Variants in XXYLT1 observed in about 807,000 individuals in gnomAD.
XXYLT1 encodes the protein xyloside xylosyltransferase 1, also known as UDP-xylose:alpha-xyloside alpha-1,3-xylosyltransferase.
Under a neutral mutation model 28.9 loss-of-function variants are expected in XXYLT1, and 20 were observed. The ratio of observed to expected loss-of-function variants is 0.69; its 90% CI spans 0.49 to 1.00. XXYLT1 has a LOEUF of 1.00. XXYLT1 is among the 50% of genes least tolerant of loss of function. XXYLT1 has a pLI of 0.00. For missense variants in XXYLT1, 542 were observed against 560.1 expected (o/e 0.97, Z 0.33); for synonymous variants, 257 against 253.8 (o/e 1.01, Z -0.12).
intron 2 of XXYLT1, among the ~76,000 whole-genome samples, chr3:195,220,088 G>C (rs1031283252): frequency 2.0e-5 from 3 of 152,150 alleles, no homozygotes; most frequent in South Asian, 2.1e-4. Context: ...CTGGGAGCTG[G>C]GGGGAGGGGA....
Position 195,246,432 on chromosome 3 carries a change from A to G in XXYLT1, c.505-19576T>C, listed in dbSNP as rs112246724. Among the ~76,000 whole-genome samples the G allele has an allele frequency of 1.8e-4, 28 of 152,338 alleles. 1 individual carries two copies. Among genetic ancestry groups the G allele is most frequent in the African/African-American group, 6.0e-4 (25 of 41,580 alleles). Reference sequence around the variant, plus strand: ...GAAGACCGTGTAAGCACAGCAATACACAGTGTGTCTGTCTTGTAGGTACGG... The same window carrying G: ...GAAGACCGTGTAAGCACAGCAATACGCAGTGTGTCTGTCTTGTAGGTACGG... On this transcript the variant is annotated intron_variant, in intron 1 of 3. Coordinates refer to ENST00000310380, the MANE Select transcript of XXYLT1 (RefSeq NM_152531.5).
intron 3 of XXYLT1, among the ~76,000 whole-genome samples, chr3:195,081,684 T>C (rs1420638086): frequency 6.6e-6 from 1 of 152,014 alleles, no homozygotes; most frequent in Non-Finnish European, 1.5e-5. Flanking sequence ...GCCGAGAAAA[T>C]GTTATGAGGT....
chr3:195,178,966 T>C (rs559718013), intron 2 of XXYLT1, among the ~76,000 whole-genome samples: 39 of 151,746 alleles, frequency 2.6e-4, no homozygotes, highest in African/African-American at 9.0e-4. Flanking sequence ...ACTCTGAAGG[T>C]GGCAGCTCCC....
chr3:195,087,694 T>C (rs1361602792), intron 3 of XXYLT1, among the ~76,000 whole-genome samples: 1 of 152,124 alleles, frequency 6.6e-6, no homozygotes, highest in Non-Finnish European at 1.5e-5. Flanking sequence ...GATGGCCGAA[T>C]AGGAACAGCT....
intron 3 of XXYLT1, among the ~76,000 whole-genome samples, chr3:195,101,340 G>T (rs1716761155): frequency 6.6e-6 from 1 of 152,214 alleles, no homozygotes. Context: ...ATCACATTAG[G>T]AAAAAACAGA....
rs535428775 is a variant in XXYLT1, at chr3:195,088,358, C to T, written c.786-18247G>A. 1.0e-3 allele frequency among the ~76,000 whole-genome samples: 152 copies of T among 148,244 alleles called. 1 individual carries two copies. The highest frequency in any genetic ancestry group is 3.6e-3 in the African/African-American group (146 of 41,080). ...GATCTGAGAACGGGCAGACTGCCTC[C>T]TCAAGTGGGTCCCTGACCCCTGACC... On this transcript the variant is annotated intron_variant, in intron 3 of 3. Coordinates refer to ENST00000310380, the MANE Select transcript of XXYLT1 (RefSeq NM_152531.5).
intron 2 of XXYLT1, among the ~76,000 whole-genome samples, chr3:195,201,997 A>T (rs569973621): frequency 1.6e-4 from 24 of 152,174 alleles, no homozygotes; most frequent in South Asian, 1.5e-3. Context: ...ACCAACATGG[A>T]GAAACCCCGT....
chr3:195,084,028 A>C (rs1366376690), intron 3 of XXYLT1, among the ~76,000 whole-genome samples: 1 of 146,546 alleles, frequency 6.8e-6, no homozygotes, highest in African/African-American at 2.5e-5. Flanking sequence ...AATCGGTCTC[A>C]AAAAAAAAAA....
At chr3:195,145,889 G>A (rs996462833) in intron 3 of XXYLT1, among the ~76,000 whole-genome samples, 6 of 152,172 alleles carry the variant, frequency 3.9e-5, no homozygotes, top group African/African-American at 1.4e-4. Flanking sequence ...CCTTGATGCT[G>A]GAGTCAATTC....
At chr3:195,190,034 C>T (rs2108750186) in intron 2 of XXYLT1, among the ~76,000 whole-genome samples, 1 of 151,654 alleles carries the variant, frequency 6.6e-6, no homozygotes, top group East Asian at 1.9e-4. Context: ...CAATGGAGAC[C>T]AGAAGGCAAT....
Position 195,270,451 on chromosome 3 carries a change from G to A in XXYLT1, c.504+104C>T, listed in dbSNP as rs1725982029. On this transcript the variant is annotated intron_variant, in intron 1 of 3. Coordinates refer to ENST00000310380, the MANE Select transcript of XXYLT1 (RefSeq NM_152531.5). ...CATTGCAAGCGGGCAGCTCAGGGAAGATCCTACCCGCTAGTTCCCCGGATC... is the reference window on the plus strand; with the variant it reads ...CATTGCAAGCGGGCAGCTCAGGGAAAATCCTACCCGCTAGTTCCCCGGATC... 24 of 1,339,566 alleles carry A rather than the reference G, an allele frequency of 1.8e-5. No homozygotes were observed. The South Asian group carries it at 4.1e-4, about 23-fold the overall frequency. 83.0% of individuals were successfully genotyped at this position (1,339,566 alleles called of 1,614,324 possible).
rs1278565778 is a variant in XXYLT1, at chr3:195,091,419, A to C, written c.786-21308T>G. 1.9e-5 allele frequency among the ~76,000 whole-genome samples: 2 copies of C among 105,342 alleles called. 1 individual carries two copies. Among genetic ancestry groups the C allele is most frequent in the Non-Finnish European group, 3.5e-5 (2 of 57,190 alleles). 69.1% of individuals were successfully genotyped at this position (105,342 alleles called of 152,430 possible). ...ATCCAGCAGGTAAACAGAGCCAAAG[A>C]CAAAAACCACATGATTATCTCAATA... On this transcript the variant is annotated intron_variant, in intron 3 of 3. Coordinates refer to ENST00000310380, the MANE Select transcript of XXYLT1 (RefSeq NM_152531.5).
chr3:195,191,263 A>AC (rs1722407921), intron 2 of XXYLT1, among the ~76,000 whole-genome samples: 1 of 152,040 alleles, frequency 6.6e-6, no homozygotes, highest in East Asian at 1.9e-4. Flanking sequence ...CACCTCTGCC[A>AC]CCCCTCAGAA....
At position 195,245,939 on chromosome 3, in the gene XXYLT1, C is replaced by G. The variant is rs567606629; in HGVS notation, c.505-19083G>C. Among the ~76,000 whole-genome samples the G allele has an allele frequency of 4.6e-5, 7 of 152,234 alleles. 1 individual carries two copies. The highest frequency in any genetic ancestry group is 1.0e-4 in the Non-Finnish European group (7 of 68,030). ...AAGCAGGCGCTGGCACCACCCTTCT[C>G]TACAGCCTGCAGAACCATGAGCCAA... is the stretch of plus-strand genomic sequence containing the variant. On this transcript the variant is annotated intron_variant, in intron 1 of 3. Transcript: ENST00000310380.
intron 2 of XXYLT1, among the ~76,000 whole-genome samples, chr3:195,214,614 G>A (rs1723478725): frequency 6.6e-6 from 1 of 152,160 alleles, no homozygotes; most frequent in Non-Finnish European, 1.5e-5. Flanking sequence ...CCTTGTGTCT[G>A]CTTTCTCCTG....
intron 3 of XXYLT1, among the ~76,000 whole-genome samples, chr3:195,120,851 TC>T (rs1253327022): frequency 6.6e-6 from 1 of 152,148 alleles, no homozygotes; most frequent in African/African-American, 2.4e-5. Context: ...CTGGCACAGC[TC>T]CTGCATGTCA....
intron 3 of XXYLT1, among the ~76,000 whole-genome samples, chr3:195,134,779 G>T (rs1010600715): frequency 6.6e-6 from 1 of 151,852 alleles, no homozygotes; most frequent in Non-Finnish European, 1.5e-5. Flanking sequence ...GAGAGGAAAC[G>T]CTTTCCATCC....
intron 3 of XXYLT1, among the ~76,000 whole-genome samples, chr3:195,110,811 G>C (rs62290322): frequency 0.55 from 48,361 of 88,690 alleles, 11,361 homozygotes; most frequent in Middle Eastern, 0.59. Context: ...ATGTGTGCGT[G>C]TGTGTGGTGT....
chr3:195,266,421 G>A (rs1265951361), intron 1 of XXYLT1, among the ~76,000 whole-genome samples: 6 of 151,948 alleles, frequency 3.9e-5, no homozygotes, highest in African/African-American at 1.5e-4. Context: ...TTGAACCCGG[G>A]AGGCAGAGGT....
Sources: gnomAD v4.1 joint callset for allele counts (sites outside exome capture counted in the v4.1 genomes callset) on GRCh38, gnomAD v4.1.1 for gene constraint, MANE v1.5 for transcripts, NCBI Gene and HGNC (gene_info 2026-07-23, HGNC 2026-07-21) for gene names.